ZNF287: variants seen among roughly 807,000 people sequenced by gnomAD.
ZNF287 encodes zinc finger protein 287, also known as zinc finger protein with KRAB and SCAN domains 13.
In ZNF287, 31 loss-of-function variants were observed where a neutral mutation model predicts 73.7. That is an observed-to-expected ratio of 0.42 (90% CI 0.32 to 0.57). The LOEUF is 0.57. ZNF287 is among the 20% of genes least tolerant of loss of function. ZNF287 has a pLI of 0.13. For synonymous variants in ZNF287, 301 were observed against 307.2 expected, an observed-to-expected ratio of 0.98 and a Z score of 0.21; for missense variants, 641 against 909.3, an observed-to-expected ratio of 0.70 and a Z score of 3.79.
At chr17:16,563,396 G>C in intron 4 of ZNF287, 164 bp from the exon 5 acceptor site, 1 of 604,646 alleles carries the variant, frequency 1.7e-6, no homozygotes, top group Non-Finnish European at 2.8e-6. Flanking sequence ...TATCCTTTCA[G>C]AGACAGGATA....
chr17:16,563,735 C>G lies in ZNF287; in HGVS notation c.592G>C (p.Val198Leu). The G allele has an allele frequency of 6.2e-7, 1 of 1,613,674 alleles. No homozygotes were observed. The highest frequency in any genetic ancestry group is 8.5e-7 in the Non-Finnish European group (1 of 1,179,730). ...RPVQKELYKT[V>L]TLQNYWNMVS... is the part of the protein sequence containing the mutation. ...ATGTTCCAATAGTTCTGTAACGTCA[C>G]AGTCTTGTATAATTCCTTCTGCACA... is the stretch of plus-strand genomic sequence containing the variant. Residue 198 changes from valine to leucine, a missense_variant, in exon 4 of 6, where the codon GTG becomes CTG. Around this residue, in one of 2 missense-constraint regions of ZNF287, gnomAD observed 357 missense variants for 442.4 expected, o/e 0.81. Coordinates refer to ENST00000395825, the MANE Select transcript of ZNF287 (RefSeq NM_020653.4).
intron 3 of ZNF287, 75 bp from the exon 4 acceptor site, chr17:16,563,900 T>A: frequency 6.6e-7 from 1 of 1,526,628 alleles, no homozygotes; most frequent in East Asian, 2.3e-5. Context: ...TGGGTATATG[T>A]ATGGTGGGGG....
intron 5 of ZNF287, among the ~76,000 whole-genome samples, chr17:16,559,473 G>A (rs1057264572): frequency 1.3e-5 from 2 of 151,984 alleles, no homozygotes; most frequent in Non-Finnish European, 2.9e-5. Flanking sequence ...TATAAGAAAG[G>A]AGATACAAAA....
In ZNF287 at chr17:16,551,121, T is replaced by G. The variant is rs1020939738; in HGVS notation, c.*735A>C. 6.6e-6 allele frequency among the ~76,000 whole-genome samples: 1 copy of G among 152,172 alleles called. No homozygotes were observed. The highest frequency in any genetic ancestry group is 1.5e-5 in the Non-Finnish European group (1 of 68,004). On this transcript the variant is annotated 3_prime_UTR_variant, in exon 6 of 6. Coordinates refer to ENST00000395825, the MANE Select transcript of ZNF287 (RefSeq NM_020653.4). ...CTTCCAACTGTTTTTTTTTCAAACC[T>G]ACTGGCTCCATATGGCAGTTATGGC... is the stretch of plus-strand genomic sequence containing the variant.
Position 16,548,856 on chromosome 17 carries a change from A to G in ZNF287, c.*3000T>C, listed in dbSNP as rs1906453341. Among the ~76,000 whole-genome samples, 1 of 152,250 alleles carries G rather than the reference A, an allele frequency of 6.6e-6. No homozygotes were observed. The highest frequency in any genetic ancestry group is 2.4e-5 in the African/African-American group (1 of 41,470). On this transcript the variant is annotated 3_prime_UTR_variant, in exon 6 of 6. Transcript: ENST00000395825. ...TCTAGATAGATGAAACAGATAATCA[A>G]ATACTATGTGTGAAAACTGACTGGA...
rs976616471 is a variant in ZNF287, at chr17:16,548,593, C to A, written c.*3263G>T. On this transcript the variant is annotated 3_prime_UTR_variant, in exon 6 of 6. Transcript: ENST00000395825. ...CGGGTGGATCACGAGGTCAGGATAT[C>A]GAGACAAGCCTGGCTAACACAGTGA... Among the ~76,000 whole-genome samples, 1 of 151,942 alleles carries A rather than the reference C, an allele frequency of 6.6e-6. No individual in the cohort carries two copies. The highest frequency in any genetic ancestry group is 1.5e-5 in the Non-Finnish European group (1 of 67,998).
intron 5 of ZNF287, among the ~76,000 whole-genome samples, chr17:16,559,853 G>A (rs1907309853): frequency 6.6e-6 from 1 of 152,110 alleles, no homozygotes; most frequent in Admixed American, 6.5e-5. Context: ...ATGCTAGAGT[G>A]CCCAAATTTG....
At position 16,567,755 on chromosome 17, in the gene ZNF287, T is replaced by C. The variant is rs1907842058; in HGVS notation, c.-24A>G. On this transcript the variant is annotated 5_prime_UTR_variant, in exon 2 of 6. Transcript: ENST00000395825. ...ATTGCTACAGACAGGAGAGTCAATC[T>C]GGCAATATCCTTTATTTCTCCAGTA... 2 of 1,583,736 alleles carry C rather than the reference T, an allele frequency of 1.3e-6. No individual in the cohort carries two copies. The highest frequency in any genetic ancestry group is 1.7e-6 in the Non-Finnish European group (2 of 1,165,494).
intron 3 of ZNF287, among the ~76,000 whole-genome samples, chr17:16,564,747 T>C (rs1907647079): frequency 6.6e-6 from 1 of 152,172 alleles, no homozygotes; most frequent in East Asian, 1.9e-4. Context: ...CTCCTTTTGT[T>C]AAAAATATAG....
intron 2 of ZNF287, among the ~76,000 whole-genome samples, chr17:16,566,998 G>T (rs935914306): frequency 6.6e-6 from 1 of 152,074 alleles, no homozygotes; most frequent in Non-Finnish European, 1.5e-5. Flanking sequence ...TAGTAGAATG[G>T]TGCAAACCTC....
intron 3 of ZNF287, among the ~76,000 whole-genome samples, chr17:16,565,359 A>AT (rs905744553): frequency 4.0e-5 from 6 of 151,060 alleles, no homozygotes; most frequent in African/African-American, 1.5e-4. Context: ...GATATTTTAA[A>AT]TTTTTTTCGG....
intron 2 of ZNF287, among the ~76,000 whole-genome samples, chr17:16,566,857 AT>A (rs1324231816): frequency 6.6e-6 from 1 of 152,222 alleles, no homozygotes; most frequent in Non-Finnish European, 1.5e-5. Context: ...CAAAATTCAC[AT>A]TTTAACTAAA....
chr17:16,555,267 T>C (rs185217706), intron 5 of ZNF287, among the ~76,000 whole-genome samples: 1 of 152,306 alleles, frequency 6.6e-6, no homozygotes, highest in East Asian at 1.9e-4. Flanking sequence ...CTACTTGATC[T>C]GCAATACAAA....
chr17:16,554,982 G>A (rs1163246419), intron 5 of ZNF287, among the ~76,000 whole-genome samples: 2 of 151,928 alleles, frequency 1.3e-5, no homozygotes, highest in African/African-American at 4.8e-5. Context: ...TTTTTTATAG[G>A]TCAAAATGGC....
chr17:16,552,560 T>C lies in ZNF287; in HGVS notation c.1582A>G (p.Lys528Glu). The C allele has an allele frequency of 6.2e-7, 1 of 1,614,172 alleles. No individual in the cohort carries two copies. The highest frequency in any genetic ancestry group is 8.5e-7 in the Non-Finnish European group (1 of 1,180,010). Residue 528 changes from lysine (K) to glutamate (E), a missense_variant, in exon 6 of 6, where the codon AAA becomes GAA. By Grantham distance (56) the Lys-to-Glu change is moderately conservative. Around this residue, in one of 2 missense-constraint regions of ZNF287, gnomAD observed 284 missense variants for 466.8 expected, o/e 0.61. Coordinates refer to ENST00000395825, the MANE Select transcript of ZNF287 (RefSeq NM_020653.4). The surrounding 1 kb of genome is among the most constrained non-coding windows in gnomAD (Gnocchi z 6.5). ...TATGGTTTCTTCCCAGTATGTATTT[T>C]TTGATGCTGAAGAAGGTGTGTACTC... ...SQSTHLLQHQ[K>E]IHTGKKPYKC...
At chr17:16,560,321 T>C (rs541561988) in intron 5 of ZNF287, among the ~76,000 whole-genome samples, 9,149 of 145,504 alleles carry the variant, frequency 0.063, 1,030 homozygotes, top group African/African-American at 0.22. Flanking sequence ...TATATATATA[T>C]ATATATATAT....
At chr17:16,566,965 A>C (rs1170590635) in intron 2 of ZNF287, among the ~76,000 whole-genome samples, 5 of 152,220 alleles carry the variant, frequency 3.3e-5, no homozygotes, top group African/African-American at 9.6e-5. Context: ...TGTAAAATTC[A>C]ATTCACAAAG....
In ZNF287 at chr17:16,553,306, C is replaced by T. The variant is rs145649102; in HGVS notation, c.836G>A (p.Arg279Gln). 325 of 1,613,954 alleles carry T rather than the reference C, an allele frequency of 2.0e-4. No homozygotes were observed. Among genetic ancestry groups the T allele is most frequent in the African/African-American group, 2.4e-4 (18 of 75,034 alleles). Residue 279 changes from arginine (R) to glutamine (Q), a missense_variant, in exon 6 of 6, where the codon CGA (arginine) becomes CAA (glutamine). Arg to Gln is a conservative substitution (Grantham distance 43, BLOSUM62 1). This residue lies in a region of ZNF287 where 357 missense variants were observed against 442.4 expected (regional missense o/e 0.81). Coordinates refer to ENST00000395825, the MANE Select transcript of ZNF287 (RefSeq NM_020653.4). Reference protein sequence around the residue: ...SYDYDDRLERRGKGGFWKIHT... With the variant: ...SYDYDDRLERQGKGGFWKIHT... Reference sequence around the variant, plus strand: ...AATTTTCCAGAAGCCACCTTTTCCTCGCCTCTCTAGTCTATCATCGTAGTC... The same window carrying T: ...AATTTTCCAGAAGCCACCTTTTCCTTGCCTCTCTAGTCTATCATCGTAGTC...
Position 16,554,278 on chromosome 17 carries a change from A to G in ZNF287, c.716-852T>C, listed in dbSNP as rs546290497. Among the ~76,000 whole-genome samples, 4 of 148,152 alleles carry G rather than the reference A, an allele frequency of 2.7e-5. No individual in the cohort carries two copies. The East Asian group carries it at 8.0e-4, about 30-fold the overall frequency. ...AACCTCTGCCTCCCAGGTTCAAGTG[A>G]TTCTTGTGCCTCAGACTCCCGAGTA... On this transcript the variant is annotated intron_variant, in intron 5 of 5. Transcript: ENST00000395825.
Sources: gnomAD v4.1 joint callset for allele counts (sites outside exome capture counted in the v4.1 genomes callset) on GRCh38, gnomAD v4.1.1 for gene constraint, gnomAD v4.1.1 regional missense constraint, Gnocchi (gnomAD v3.1) non-coding constraint, MANE v1.5 for transcripts, NCBI Gene and HGNC (gene_info 2026-07-23, HGNC 2026-07-21) for gene names.